The following PCLO variants were observed in gnomAD, a reference collection of about 807,000 sequenced individuals.
PCLO encodes the protein piccolo presynaptic cytomatrix protein.
A neutral mutation model predicts 427.5 loss-of-function variants in PCLO; 82 were observed. That is an observed-to-expected ratio of 0.19 (90% CI 0.16 to 0.23). The LOEUF is 0.23. PCLO is among the 10% of genes least tolerant of loss of function. The pLI is 1.00. For synonymous variants in PCLO, 2,357 were observed against 2,155.4 expected, an observed-to-expected ratio of 1.09 and a Z score of -2.59; for missense variants, 6,239 against 6,115.9, an observed-to-expected ratio of 1.02 and a Z score of -0.67.
intron 2 of PCLO, among the ~76,000 whole-genome samples, chr7:83,151,870 A>G (rs970433756): frequency 1.3e-5 from 2 of 152,158 alleles, no homozygotes; most frequent in Admixed American, 6.5e-5. Context: ...CAGTTTCCTC[A>G]TTGGTATAAT....
chr7:82,978,881 C>A (rs190186661), intron 3 of PCLO, among the ~76,000 whole-genome samples: 1 of 150,948 alleles, frequency 6.6e-6, no homozygotes, highest in Non-Finnish European at 1.5e-5. Flanking sequence ...CACACACACA[C>A]ACACACACAC....
At chr7:83,159,312 G>C (rs1792376775) in intron 1 of PCLO, among the ~76,000 whole-genome samples, 1 of 152,022 alleles carries the variant, frequency 6.6e-6, no homozygotes, top group South Asian at 2.1e-4. Context: ...AGTAGGGAAG[G>C]CTGAAAGTAG....
intron 3 of PCLO, among the ~76,000 whole-genome samples, chr7:83,125,549 C>A (rs1211392607): frequency 6.6e-6 from 1 of 152,090 alleles, no homozygotes; most frequent in Non-Finnish European, 1.5e-5. Flanking sequence ...AAGAAAAATT[C>A]TTCTGCCTTG....
chr7:83,120,699 G>A (rs1791255352), intron 3 of PCLO, among the ~76,000 whole-genome samples: 1 of 152,082 alleles, frequency 6.6e-6, no homozygotes, highest in African/African-American at 2.4e-5. Flanking sequence ...CATATTTAAA[G>A]CACTGAGAAA....
chr7:82,952,566 G>A lies in PCLO; in HGVS notation c.8387C>T (p.Thr2796Ile). ...TPVSLATETV[T>I]FVTCTASASY... ...TGCACTAGCTGTGCATGTGACAAAG[G>A]TCACTGTCTCAGTGGCCAGAGATAC... The change falls in exon 5 of 25, where the codon ACC becomes ATC. Residue 2796 changes from threonine (T) to isoleucine (I), a missense_variant. Transcript: ENST00000333891. 6.2e-7 allele frequency: 1 copy of A among 1,613,930 alleles called. No homozygotes were observed. The highest frequency in any genetic ancestry group is 1.3e-5 in the African/African-American group (1 of 75,034).
At chr7:83,075,439 CCTGAATTCTAAA>C (rs902777728) in intron 3 of PCLO, among the ~76,000 whole-genome samples, 2 of 152,004 alleles carry the variant, frequency 1.3e-5, no homozygotes, top group African/African-American at 4.8e-5. Flanking sequence ...CCCAAAGAAA[CCTGAATTCTAAA>C]CTGAATTCTA....
Position 82,952,910 on chromosome 7 carries a change from T to A in PCLO, c.8043A>T (p.Ala2681=). 6.2e-7 allele frequency: 1 copy of A among 1,613,942 alleles called. No individual in the cohort carries two copies. The highest frequency in any genetic ancestry group is 8.5e-7 in the Non-Finnish European group (1 of 1,179,868). The change falls in exon 5 of 25, where the codon GCA becomes GCT. Residue 2681 remains alanine (A), a synonymous_variant. Transcript: ENST00000333891. The part of the protein sequence containing the change: ...TTEVSKTEVS[A]TRSTAPSVGL... ...CAACACTAGGAGCTGTACTTCTGGTTGCTGAAACCTCAGTCTTGGAAACTT... is the reference window on the plus strand; with the variant it reads ...CAACACTAGGAGCTGTACTTCTGGTAGCTGAAACCTCAGTCTTGGAAACTT...
At chr7:83,108,235 G>C (rs189770766) in intron 3 of PCLO, among the ~76,000 whole-genome samples, 11 of 152,096 alleles carry the variant, frequency 7.2e-5, no homozygotes, top group African/African-American at 2.2e-4. Context: ...GGCAAGTAAT[G>C]TGTTTTCCTT....
chr7:83,092,209 C>G (rs2116442943), intron 3 of PCLO, among the ~76,000 whole-genome samples: 1 of 152,244 alleles, frequency 6.6e-6, no homozygotes, highest in East Asian at 1.9e-4. Flanking sequence ...CTGCAGAACC[C>G]TCCTGAATAA....
chr7:82,881,477 A>G (rs954294608), intron 9 of PCLO, among the ~76,000 whole-genome samples: 1 of 152,218 alleles, frequency 6.6e-6, no homozygotes, highest in Non-Finnish European at 1.5e-5. Flanking sequence ...ATAGTCTCAC[A>G]ATAGTGACTT....
chr7:82,971,623 A>T (rs1795908999), intron 3 of PCLO, among the ~76,000 whole-genome samples: 1 of 147,660 alleles, frequency 6.8e-6, no homozygotes, highest in African/African-American at 2.5e-5. Flanking sequence ...TATCGTATAG[A>T]TATATATGAT....
chr7:83,014,168 G>A (rs891945346), intron 3 of PCLO, among the ~76,000 whole-genome samples: 7 of 152,060 alleles, frequency 4.6e-5, no homozygotes, highest in African/African-American at 1.2e-4. Context: ...TCATAGAAAG[G>A]CAAGAGACAC....
intron 22 of PCLO, among the ~76,000 whole-genome samples, chr7:82,773,689 C>A (rs1316855326): frequency 6.6e-6 from 1 of 152,050 alleles, no homozygotes; most frequent in Non-Finnish European, 1.5e-5. Context: ...TCTAATTCCA[C>A]CCCAATTATT....
chr7:83,025,163 G>A lies in PCLO; in HGVS notation c.3301-58676C>T, dbSNP rs539806739. ...AGACGATCAAATTACTCTGAGCTAC[G>A]GGAGGATATTCAAACCAAAGGCAAA... On this transcript the variant is annotated intron_variant, in intron 3 of 24. Transcript: ENST00000333891. Among the ~76,000 whole-genome samples the A allele has an allele frequency of 8.5e-5, 13 of 152,182 alleles. 1 individual carries two copies. Among genetic ancestry groups the A allele is most frequent in the Admixed American group, 3.3e-4 (5 of 15,284 alleles).
In PCLO at chr7:82,966,532, G is replaced by A. The variant is rs969721175; in HGVS notation, c.3301-45C>T. 5 of 1,198,358 alleles carry A rather than the reference G, an allele frequency of 4.2e-6. No individual in the cohort carries two copies. The East Asian group carries it at 1.3e-4, about 31-fold the overall frequency. 74.2% of individuals were successfully genotyped at this position (1,198,358 alleles called of 1,614,324 possible). A position where few individuals can be genotyped will look rare whatever the true frequency, so the allele number is the denominator to read the frequency against. On this transcript the variant is annotated intron_variant, in intron 3 of 24. Transcript: ENST00000333891. ...ATGAACAGATTGAATGTATTATAAT[G>A]TATCTGTTTCTGTGATTTTACCAAA...
At chr7:82,933,488 T>C (rs1321225841) in intron 6 of PCLO, among the ~76,000 whole-genome samples, 2 of 151,970 alleles carry the variant, frequency 1.3e-5, no homozygotes, top group African/African-American at 4.8e-5. Flanking sequence ...TCCTGAACAG[T>C]CTTCAGCCTT....
At chr7:82,937,697 G>C (rs1794989495) in intron 6 of PCLO, among the ~76,000 whole-genome samples, 1 of 151,580 alleles carries the variant, frequency 6.6e-6, no homozygotes, top group South Asian at 2.1e-4. Context: ...TCCACCAGCA[G>C]GTTCTATTTC....
intron 3 of PCLO, among the ~76,000 whole-genome samples, chr7:82,990,430 C>T (rs1796351125): frequency 6.6e-6 from 1 of 152,058 alleles, no homozygotes. Flanking sequence ...TGTACTCTCA[C>T]CTTTTATATA....
intron 22 of PCLO, among the ~76,000 whole-genome samples, chr7:82,789,391 CATT>C (rs2129468361): frequency 6.6e-6 from 1 of 152,238 alleles, no homozygotes; most frequent in African/African-American, 2.4e-5. Context: ...AGGTCAATGT[CATT>C]ATCTATATAA....
Sources: gnomAD v4.1 joint callset for allele counts (sites outside exome capture counted in the v4.1 genomes callset) on GRCh38, gnomAD v4.1.1 for gene constraint, MANE v1.5 for transcripts, NCBI Gene and HGNC (gene_info 2026-07-23, HGNC 2026-07-21) for gene names.